CDH12: variants seen among roughly 807,000 people sequenced by gnomAD.
The protein encoded by CDH12 is cadherin-12.
In CDH12, 41 loss-of-function variants were observed where a neutral mutation model predicts 74.1. The observed-to-expected ratio is 0.55, with a 90% confidence interval of 0.43 to 0.72. The LOEUF is 0.72. CDH12 is among the 30% of genes least tolerant of loss of function. The pLI, the probability that CDH12 is intolerant of heterozygous loss-of-function variation, is 0.00. For synonymous variants in CDH12, 399 were observed against 355.0 expected, an observed-to-expected ratio of 1.12 and a Z score of -1.39; for missense variants, 945 against 977.2, an observed-to-expected ratio of 0.97 and a Z score of 0.44.
intron 1 of CDH12, among the ~76,000 whole-genome samples, chr5:22,818,183 C>G (rs1434588751): frequency 3.3e-5 from 5 of 152,126 alleles, no homozygotes; most frequent in Non-Finnish European, 5.9e-5. Flanking sequence ...TCATTGCTGT[C>G]TTGGTGAGGC....
intron 1 of CDH12, among the ~76,000 whole-genome samples, chr5:22,675,605 T>G (rs2126920596): frequency 6.6e-6 from 1 of 151,852 alleles, no homozygotes; most frequent in Admixed American, 6.6e-5. Context: ...GCATAATTGG[T>G]TTTTAAATGT....
intron 3 of CDH12, among the ~76,000 whole-genome samples, chr5:22,213,004 C>T (rs542150241): frequency 7.2e-5 from 11 of 152,226 alleles, no homozygotes; most frequent in South Asian, 4.2e-4. Flanking sequence ...TGTGCTTTCT[C>T]CTGCTGTTTT....
intron 1 of CDH12, among the ~76,000 whole-genome samples, chr5:22,717,151 C>T (rs529672319): frequency 2.0e-5 from 3 of 152,126 alleles, no homozygotes; most frequent in Admixed American, 1.3e-4. Flanking sequence ...GTCCTAGGCC[C>T]TCACATTCAC....
At chr5:22,037,644 A>T (rs959446044) in intron 5 of CDH12, among the ~76,000 whole-genome samples, 1 of 152,208 alleles carries the variant, frequency 6.6e-6, no homozygotes, top group Admixed American at 6.5e-5. Flanking sequence ...AGCTATAGGC[A>T]ACTAATGAAC....
At chr5:21,984,662 A>AT (rs1757440155) in intron 5 of CDH12, among the ~76,000 whole-genome samples, 1 of 152,194 alleles carries the variant, frequency 6.6e-6, no homozygotes, top group African/African-American at 2.4e-5. Context: ...TCTGTTATAA[A>AT]TTACTGATGC....
At chr5:22,236,703 GC>G (rs1402391961) in intron 3 of CDH12, among the ~76,000 whole-genome samples, 1 of 152,100 alleles carries the variant, frequency 6.6e-6, no homozygotes, top group Non-Finnish European at 1.5e-5. Context: ...GCGAGATGGT[GC>G]CACTGCACGC....
At chr5:22,114,839 T>C (rs965808789) in intron 4 of CDH12, among the ~76,000 whole-genome samples, 3 of 152,074 alleles carry the variant, frequency 2.0e-5, no homozygotes, top group Non-Finnish European at 4.4e-5. Context: ...GAGGGAGAAA[T>C]CAAGTAAGAG....
intron 3 of CDH12, among the ~76,000 whole-genome samples, chr5:22,265,004 C>T (rs972267518): frequency 6.6e-6 from 1 of 152,272 alleles, no homozygotes; most frequent in Middle Eastern, 3.4e-3. Context: ...ACATTCTTTT[C>T]ACAATAACTT....
chr5:21,915,910 A>T (rs1442727473), intron 6 of CDH12, among the ~76,000 whole-genome samples: 1 of 150,982 alleles, frequency 6.6e-6, no homozygotes, highest in Non-Finnish European at 1.5e-5. Flanking sequence ...AAGGAAAAAA[A>T]ATAAAAGACC....
chr5:21,954,048 TAAG>T (rs1043164980), intron 6 of CDH12, among the ~76,000 whole-genome samples: 3 of 152,056 alleles, frequency 2.0e-5, no homozygotes, highest in African/African-American at 7.2e-5. Flanking sequence ...AGATATAAAA[TAAG>T]CTCTACTTCA....
At chr5:22,772,894 C>G (rs191846566) in intron 1 of CDH12, among the ~76,000 whole-genome samples, 1 of 152,062 alleles carries the variant, frequency 6.6e-6, no homozygotes, top group Non-Finnish European at 1.5e-5. Flanking sequence ...TTTTTACCAT[C>G]TCATATACAA....
intron 4 of CDH12, among the ~76,000 whole-genome samples, chr5:22,185,716 T>C (rs1435221641): frequency 1.3e-5 from 2 of 152,224 alleles, no homozygotes; most frequent in Admixed American, 1.3e-4. Context: ...CAGCAAGATT[T>C]TTAAATTTTC....
intron 9 of CDH12, among the ~76,000 whole-genome samples, chr5:21,803,267 T>A (rs1199666793): frequency 5.9e-5 from 9 of 152,144 alleles, no homozygotes; most frequent in South Asian, 2.1e-4. Flanking sequence ...GATCTTTTTT[T>A]ATTTTTTTTA....
At chr5:22,462,994 A>T (rs945817126) in intron 2 of CDH12, among the ~76,000 whole-genome samples, 11 of 152,224 alleles carry the variant, frequency 7.2e-5, no homozygotes, top group African/African-American at 2.2e-4. Flanking sequence ...AACATTAAGG[A>T]GAAAACACCT....
intron 1 of CDH12, among the ~76,000 whole-genome samples, chr5:22,811,447 G>A (rs1749145689): frequency 6.6e-6 from 1 of 152,070 alleles, no homozygotes. Flanking sequence ...CTGAGAGACT[G>A]ATAGTCATAC....
intron 6 of CDH12, among the ~76,000 whole-genome samples, chr5:21,915,114 C>A (rs557323674): frequency 3.9e-5 from 6 of 152,128 alleles, no homozygotes; most frequent in Non-Finnish European, 8.8e-5. Flanking sequence ...TAAAAGCAAC[C>A]AGTAGTCCTG....
At chr5:22,774,061 G>A (rs1340290104) in intron 1 of CDH12, among the ~76,000 whole-genome samples, 1 of 152,036 alleles carries the variant, frequency 6.6e-6, no homozygotes, top group Non-Finnish European at 1.5e-5. Flanking sequence ...CCTGTGAAAA[G>A]CAGTTTGGAG....
At chr5:22,312,325 A>G (rs1738428578) in intron 3 of CDH12, among the ~76,000 whole-genome samples, 1 of 152,200 alleles carries the variant, frequency 6.6e-6, no homozygotes, top group Non-Finnish European at 1.5e-5. Flanking sequence ...TCACAACTTA[A>G]TGTGACTTTA....
intron 5 of CDH12, among the ~76,000 whole-genome samples, chr5:22,048,776 A>T (rs1740141996): frequency 6.6e-6 from 1 of 152,134 alleles, no homozygotes; most frequent in Non-Finnish European, 1.5e-5. Flanking sequence ...AAATACAAAC[A>T]AACAAAAATT....
Sources: gnomAD v4.1 joint callset for allele counts (sites outside exome capture counted in the v4.1 genomes callset) on GRCh38, gnomAD v4.1.1 for gene constraint, MANE v1.5 for transcripts, NCBI Gene and HGNC (gene_info 2026-07-23, HGNC 2026-07-21) for gene names.